PTPN14: variants seen among roughly 807,000 people sequenced by gnomAD.
PTPN14 encodes the protein protein tyrosine phosphatase non-receptor type 14.
Under a neutral mutation model 126.8 loss-of-function variants are expected in PTPN14, and 53 were observed. The observed-to-expected ratio is 0.42, with a 90% CI of 0.34 to 0.53. PTPN14 has a LOEUF of 0.53. Among genes scored for constraint, PTPN14 ranks in the 20% least tolerant of loss-of-function variants. The probability of loss-of-function intolerance (pLI) is 0.08; values close to 1 mark genes in which losing one functional copy is unlikely to be tolerated. For synonymous variants in PTPN14, 630 were observed against 599.3 expected (o/e 1.05, Z -0.75); for missense variants, 1,257 against 1,552.9 (o/e 0.81, Z 3.20).
chr1:214,473,218 G>A (rs1369658130), intron 1 of PTPN14, among the ~76,000 whole-genome samples: 3 of 152,212 alleles, frequency 2.0e-5, no homozygotes, highest in Non-Finnish European at 4.4e-5. Flanking sequence ...AGGTCATTTG[G>A]CAGAGCAAGT....
At chr1:214,434,690 T>A (rs977444448) in intron 3 of PTPN14, among the ~76,000 whole-genome samples, 1 of 152,118 alleles carries the variant, frequency 6.6e-6, no homozygotes, top group Non-Finnish European at 1.5e-5. Flanking sequence ...GAAAATTACA[T>A]GAAATTGGAG....
At position 214,491,034 on chromosome 1, in the gene PTPN14, GAAGAAAGA is replaced by G. The variant is rs201746940; in HGVS notation, c.-154-26085_-154-26078del. ...GGAAGAAAGGAAGAAAGGAAGGAAG[GAAGAAAGA>G]AAGAAAGAAAGAAAAACAAAGAAAG... On this transcript the variant is annotated intron_variant, in intron 1 of 18. Coordinates refer to ENST00000366956, the MANE Select transcript of PTPN14 (RefSeq NM_005401.5). Among the ~76,000 whole-genome samples, 154 of 145,976 alleles carry G rather than the reference GAAGAAAGA, an allele frequency of 1.1e-3. 1 individual carries two copies. In the South Asian group the frequency reaches 0.024, roughly 23 times the overall value.
chr1:214,422,579 C>G (rs1484876037), intron 3 of PTPN14, among the ~76,000 whole-genome samples: 1 of 152,176 alleles, frequency 6.6e-6, no homozygotes, highest in African/African-American at 2.4e-5. Flanking sequence ...CAAATTATAT[C>G]TGGAAGCCGG....
chr1:214,520,834 C>T (rs1430447561), intron 1 of PTPN14, among the ~76,000 whole-genome samples: 4 of 152,066 alleles, frequency 2.6e-5, no homozygotes, highest in African/African-American at 7.2e-5. Context: ...TGACCTCCTG[C>T]TTGGAGGTTA....
At chr1:214,400,243 A>G (rs1465485557) in intron 7 of PTPN14, among the ~76,000 whole-genome samples, 1 of 152,204 alleles carries the variant, frequency 6.6e-6, no homozygotes, top group Non-Finnish European at 1.5e-5. Flanking sequence ...AGAGCTGACC[A>G]CATTACCACC....
intron 5 of PTPN14, among the ~76,000 whole-genome samples, chr1:214,409,635 C>T (rs1659254011): frequency 6.6e-6 from 1 of 152,070 alleles, no homozygotes; most frequent in Non-Finnish European, 1.5e-5. Context: ...TTTCAAGGAA[C>T]CTCTACACTG....
At chr1:214,389,823 G>A (rs559047668) in intron 11 of PTPN14, among the ~76,000 whole-genome samples, 1 of 152,166 alleles carries the variant, frequency 6.6e-6, no homozygotes, top group Non-Finnish European at 1.5e-5. Flanking sequence ...TAAAGGAGAA[G>A]AATAAATAAA....
chr1:214,412,613 C>T (rs1225727240), intron 4 of PTPN14, among the ~76,000 whole-genome samples: 1 of 152,186 alleles, frequency 6.6e-6, no homozygotes. Flanking sequence ...TATCACATTC[C>T]ACCACAACTT....
chr1:214,389,451 T>G (rs1320777858), intron 11 of PTPN14, among the ~76,000 whole-genome samples: 1 of 152,136 alleles, frequency 6.6e-6, no homozygotes. Flanking sequence ...CGCCAAAATA[T>G]AGACAGAAGA....
intron 13 of PTPN14, 120 bp from the exon 14 acceptor site, chr1:214,378,222 A>G (rs1658390372): frequency 7.7e-7 from 1 of 1,304,320 alleles, no homozygotes; most frequent in Non-Finnish European, 1.0e-6. Flanking sequence ...CACCATCAGT[A>G]GGGCAAATTC....
chr1:214,537,949 TAATA>T (rs1471315607), intron 1 of PTPN14, among the ~76,000 whole-genome samples: 2 of 152,218 alleles, frequency 1.3e-5, no homozygotes, highest in Non-Finnish European at 2.9e-5. Context: ...TGTCAACATA[TAATA>T]AATAAAAAAT....
At chr1:214,461,727 G>T (rs1014897210) in intron 2 of PTPN14, among the ~76,000 whole-genome samples, 1 of 152,112 alleles carries the variant, frequency 6.6e-6, no homozygotes, top group Admixed American at 6.5e-5. Context: ...GGAAGATCAC[G>T]TGAGCCAGGA....
At chr1:214,533,499 GA>G (rs1213774706) in intron 1 of PTPN14, 1 of 471,494 alleles carries the variant, frequency 2.1e-6, no homozygotes, top group African/African-American at 2.1e-5. Flanking sequence ...ACCCTTTGGG[GA>G]GCAGGAGGCC....
chr1:214,434,614 A>G (rs1659871194), intron 3 of PTPN14, among the ~76,000 whole-genome samples: 1 of 152,220 alleles, frequency 6.6e-6, no homozygotes, highest in Non-Finnish European at 1.5e-5. Context: ...TTTAATATAG[A>G]AAAAGCAAAG....
intron 4 of PTPN14, among the ~76,000 whole-genome samples, chr1:214,413,426 G>A (rs1387325019): frequency 6.6e-6 from 1 of 152,176 alleles, no homozygotes; most frequent in East Asian, 1.9e-4. Flanking sequence ...TAATACTTCA[G>A]AATGAAAGAG....
intron 1 of PTPN14, among the ~76,000 whole-genome samples, chr1:214,550,724 A>C (rs1656086916): frequency 6.6e-6 from 1 of 152,038 alleles, no homozygotes; most frequent in African/African-American, 2.4e-5. Context: ...CGCTCCCCTC[A>C]AGATTCCTTC....
At chr1:214,439,608 G>A (rs1397889524) in intron 3 of PTPN14, among the ~76,000 whole-genome samples, 1 of 152,206 alleles carries the variant, frequency 6.6e-6, no homozygotes, top group African/African-American at 2.4e-5. Flanking sequence ...GACCTTGAGA[G>A]TTAGGAGGCT....
intron 3 of PTPN14, among the ~76,000 whole-genome samples, chr1:214,448,946 C>T (rs1660209443): frequency 1.3e-5 from 2 of 151,966 alleles, no homozygotes; most frequent in South Asian, 4.2e-4. Flanking sequence ...AGAATTCCCC[C>T]TCCTACAACA....
chr1:214,521,868 A>G (rs1655265490), intron 1 of PTPN14, among the ~76,000 whole-genome samples: 1 of 151,906 alleles, frequency 6.6e-6, no homozygotes, highest in Admixed American at 6.6e-5. Context: ...AGGTACCTAA[A>G]ACCATGTTTC....
Sources: allele counts gnomAD v4.1 joint callset (sites outside exome capture counted in the v4.1 genomes callset), GRCh38; gene constraint gnomAD v4.1.1; transcripts MANE v1.5; gene names NCBI Gene and HGNC (gene_info 2026-07-23, HGNC 2026-07-21).